TMEM131L: variants seen among roughly 807,000 people sequenced by gnomAD.
TMEM131L encodes the protein transmembrane protein 131-like.
In TMEM131L, 54 loss-of-function variants were observed where a neutral mutation model predicts 192.2. The observed-to-expected ratio is 0.28, with a 90% CI of 0.23 to 0.35. TMEM131L has a LOEUF of 0.35. TMEM131L is among the 10% of genes least tolerant of loss of function. The pLI, the probability that TMEM131L is intolerant of heterozygous loss-of-function variation, is 1.00. For synonymous variants in TMEM131L, 701 were observed against 704.9 expected (o/e 0.99, Z 0.09); for missense variants, 1,888 against 1,972.9 (o/e 0.96, Z 0.82).
intron 7 of TMEM131L, among the ~76,000 whole-genome samples, chr4:153,574,932 T>G (rs1729835454): frequency 6.6e-6 from 1 of 152,180 alleles, no homozygotes; most frequent in Admixed American, 6.5e-5. Flanking sequence ...CATTCAAAAT[T>G]GTGAAAGGGG....
At chr4:153,553,433 G>A (rs1454430277) in intron 4 of TMEM131L, among the ~76,000 whole-genome samples, 4 of 149,860 alleles carry the variant, frequency 2.7e-5, no homozygotes, top group African/African-American at 1.0e-4. Flanking sequence ...ATATGATTAT[G>A]AGAATTAGTC....
chr4:153,602,081 G>A (rs1578842049), intron 21 of TMEM131L, 71 bp from the exon 22 acceptor site: 5 of 922,718 alleles, frequency 5.4e-6, no homozygotes, highest in East Asian at 2.8e-5. Flanking sequence ...AATAAATATC[G>A]ATCCAATAAA....
intron 3 of TMEM131L, among the ~76,000 whole-genome samples, chr4:153,504,211 A>G (rs1043544278): frequency 7.8e-6 from 1 of 128,860 alleles, no homozygotes; most frequent in African/African-American, 2.9e-5. Flanking sequence ...CTTGTGATCC[A>G]CCGCCTCGGC....
intron 29 of TMEM131L, among the ~76,000 whole-genome samples, chr4:153,623,826 G>T (rs1198769356): frequency 4.6e-5 from 7 of 151,986 alleles, no homozygotes; most frequent in African/African-American, 1.7e-4. Flanking sequence ...GAAAGTTAAA[G>T]ATGTCGGAGA....
At chr4:153,633,086 AGAC>A (rs1734327869) in intron 32 of TMEM131L, 1 of 347,852 alleles carries the variant, frequency 2.9e-6, no homozygotes, top group Non-Finnish European at 5.2e-6. Context: ...TCTTTAAAAA[AGAC>A]GATTTTTTCA....
At chr4:153,580,067 G>A (rs1179050661) in intron 7 of TMEM131L, among the ~76,000 whole-genome samples, 3 of 152,282 alleles carry the variant, frequency 2.0e-5, no homozygotes, top group Non-Finnish European at 2.9e-5. Context: ...AATGAAAGAG[G>A]AAGTCTCATA....
chr4:153,635,719 C>A, intron 34 of TMEM131L, 148 bp downstream of exon 34: 2 of 845,790 alleles, frequency 2.4e-6, no homozygotes, highest in East Asian at 2.7e-5. Context: ...GAAGCCAGGG[C>A]TGGCCACCCT....
intron 19 of TMEM131L, among the ~76,000 whole-genome samples, chr4:153,595,016 A>C (rs752048831): frequency 6.6e-6 from 1 of 152,232 alleles, no homozygotes; most frequent in Non-Finnish European, 1.5e-5. Flanking sequence ...CAAATGATGT[A>C]ACTCATTTGG....
intron 25 of TMEM131L, among the ~76,000 whole-genome samples, chr4:153,607,433 G>T (rs548798411): frequency 1.3e-5 from 2 of 152,306 alleles, no homozygotes; most frequent in South Asian, 4.1e-4. Flanking sequence ...GACTCAACCT[G>T]CCTGATAGCT....
chr4:153,529,910 A>C (rs1164163090), intron 3 of TMEM131L, among the ~76,000 whole-genome samples: 1 of 152,158 alleles, frequency 6.6e-6, no homozygotes, highest in Non-Finnish European at 1.5e-5. Flanking sequence ...CCATATGTTC[A>C]TTTCACGAGA....
At chr4:153,597,273 A>T (rs1731508035) in intron 20 of TMEM131L, among the ~76,000 whole-genome samples, 1 of 148,148 alleles carries the variant, frequency 6.8e-6, no homozygotes, top group Non-Finnish European at 1.5e-5. Flanking sequence ...TTTTTAATTA[A>T]TTTTTTTTTT....
chr4:153,581,493 A>G lies in TMEM131L; in HGVS notation c.825A>G (p.Glu275=). 9 of 1,605,030 alleles carry G rather than the reference A, an allele frequency of 5.6e-6. No individual in the cohort carries two copies. The highest frequency in any genetic ancestry group is 7.7e-6 in the Non-Finnish European group (9 of 1,174,660). The change falls in exon 9 of 35, where the codon GAA becomes GAG. Residue 275 remains glutamate (E), a synonymous_variant. Coordinates refer to ENST00000409959, the MANE Select transcript of TMEM131L (RefSeq NM_001131007.2). ...AAAACTTTTCAAAAGAATTTGAAGA[A>G]AACACACAACATTTGTTAGATCATC... The part of the protein sequence containing the change: ...TMENFSKEFE[E]NTQHLLDHLS...
At chr4:153,537,837 C>T (rs1416929353) in intron 3 of TMEM131L, among the ~76,000 whole-genome samples, 1 of 152,186 alleles carries the variant, frequency 6.6e-6, no homozygotes, top group Non-Finnish European at 1.5e-5. Context: ...AAGCCTCTGA[C>T]AAACCTGTAG....
chr4:153,571,409 T>C (rs905216957), intron 7 of TMEM131L, among the ~76,000 whole-genome samples: 2 of 152,208 alleles, frequency 1.3e-5, no homozygotes, highest in Non-Finnish European at 2.9e-5. Flanking sequence ...ACACTCACCT[T>C]CCTGGTTTCC....
intron 16 of TMEM131L, 71 bp downstream of exon 16, chr4:153,589,078 C>A: frequency 1.2e-6 from 1 of 809,354 alleles, no homozygotes; most frequent in Non-Finnish European, 2.1e-6. Context: ...TCCTTACCTG[C>A]GGGGACACAT....
rs138441783 is a variant in TMEM131L, at chr4:153,636,107, A to G, written c.4558-194A>G. On this transcript the variant is annotated intron_variant, in intron 34 of 34. Transcript: ENST00000409959. The stretch of plus-strand genomic sequence containing the variant: ...TCTTCCCCGGGTTGCAAATAAGTTC[A>G]TCCCATTAGATGAGGATTTCACAAT... Among the ~76,000 whole-genome samples, 646 of 152,294 alleles carry G rather than the reference A, an allele frequency of 4.2e-3. 4 individuals are homozygous for G. Among genetic ancestry groups the G allele is most frequent in the Admixed American group, 0.012 (180 of 15,296 alleles).
At chr4:153,597,701 G>A (rs568806276) in intron 20 of TMEM131L, among the ~76,000 whole-genome samples, 1 of 152,214 alleles carries the variant, frequency 6.6e-6, no homozygotes, top group Non-Finnish European at 1.5e-5. Flanking sequence ...GGGAGGCTGA[G>A]GTGGACAGAT....
chr4:153,634,617 G>T (rs1393044040), intron 33 of TMEM131L, among the ~76,000 whole-genome samples: 1 of 152,134 alleles, frequency 6.6e-6, no homozygotes, highest in Admixed American at 6.6e-5. Flanking sequence ...TTAGCTGCTC[G>T]CTCTTCTTTT....
intron 23 of TMEM131L, among the ~76,000 whole-genome samples, 186 bp downstream of exon 23, chr4:153,602,913 G>A (rs189902607): frequency 2.6e-5 from 4 of 152,300 alleles, no homozygotes; most frequent in African/African-American, 7.2e-5. Flanking sequence ...TAAACTAATC[G>A]TAAGAGAGTC....
Sources: allele counts gnomAD v4.1 joint callset (sites outside exome capture counted in the v4.1 genomes callset), GRCh38; gene constraint gnomAD v4.1.1; transcripts MANE v1.5; gene names NCBI Gene and HGNC (gene_info 2026-07-23, HGNC 2026-07-21).